Variants in ITGA2 observed in about 807,000 individuals in gnomAD.
ITGA2 encodes the protein integrin subunit alpha 2.
A neutral mutation model predicts 146.3 loss-of-function variants in ITGA2; 101 were observed. That is an observed-to-expected ratio of 0.69 (90% CI 0.59 to 0.81). ITGA2 has a LOEUF of 0.81. Ranked by LOEUF, ITGA2 falls within the 40% of genes least tolerant of loss-of-function variation. The pLI is 0.00. For synonymous variants in ITGA2, 477 were observed against 487.1 expected, an observed-to-expected ratio of 0.98 and a Z score of 0.27; for missense variants, 1,281 against 1,402.7, an observed-to-expected ratio of 0.91 and a Z score of 1.39.
rs138510004 is a variant in ITGA2 at position 53,014,404 on chromosome 5, A to T, written c.65-12344A>T. On this transcript the variant is annotated intron_variant, in intron 1 of 29. Transcript: ENST00000296585. ...TCTGTTTATGTGATGAATCACATTT[A>T]TTGATTGGCATTTGTTGCACCAACT... Among the ~76,000 whole-genome samples the T allele has an allele frequency of 3.1e-3, 472 of 152,260 alleles. 1 individual carries two copies. The highest frequency in any genetic ancestry group is 5.2e-3 in the Non-Finnish European group (356 of 68,004).
In ITGA2 at chr5:53,090,830, T is replaced by TG. The variant is rs3212647; in HGVS notation, c.*236dup. The TG allele has an allele frequency of 5.9e-5, 35 of 597,962 alleles. No individual in the cohort carries two copies. The highest frequency in any genetic ancestry group is 1.9e-4 in the African/African-American group (10 of 53,458). 37.0% of individuals were successfully genotyped at this position (597,962 alleles called of 1,614,324 possible). A position where few individuals can be genotyped will look rare whatever the true frequency, so the allele number is the denominator to read the frequency against. On this transcript the variant is annotated 3_prime_UTR_variant, in exon 30 of 30. Coordinates refer to ENST00000296585, the MANE Select transcript of ITGA2 (RefSeq NM_002203.4). Reference sequence around the variant, plus strand: ...TAGGGAAAATACCTATTTTATATGATGGGGGAAAAAAAGTAATCTTTAAAC... The same window carrying TG: ...TAGGGAAAATACCTATTTTATATGATGGGGGGAAAAAAAGTAATCTTTAAAC...
At chr5:53,029,318 T>A (rs1743111897) in intron 2 of ITGA2, among the ~76,000 whole-genome samples, 1 of 152,116 alleles carries the variant, frequency 6.6e-6, no homozygotes, top group South Asian at 2.1e-4. Flanking sequence ...TAAAATTCCT[T>A]AAAGGATGCT....
intron 1 of ITGA2, among the ~76,000 whole-genome samples, chr5:53,018,210 A>G (rs988833987): frequency 2.0e-5 from 3 of 152,186 alleles, no homozygotes; most frequent in African/African-American, 7.2e-5. Context: ...AGTCTCCTAT[A>G]GGAGCACGGC....
chr5:52,998,362 G>A (rs564477858), intron 1 of ITGA2, among the ~76,000 whole-genome samples: 1 of 152,260 alleles, frequency 6.6e-6, no homozygotes, highest in Admixed American at 6.5e-5. Flanking sequence ...GCTGAGGCAG[G>A]AGAATTGCTT....
intron 1 of ITGA2, among the ~76,000 whole-genome samples, chr5:53,016,216 G>T (rs1742393797): frequency 6.6e-6 from 1 of 152,172 alleles, no homozygotes; most frequent in Non-Finnish European, 1.5e-5. Flanking sequence ...TGTGGTAGCT[G>T]CTAACAGTCT....
chr5:53,048,975 C>A (rs577019307), intron 6 of ITGA2, among the ~76,000 whole-genome samples: 3 of 150,438 alleles, frequency 2.0e-5, no homozygotes, highest in African/African-American at 7.3e-5. Context: ...CCTTAGAGTT[C>A]TATTTCTGAC....
intron 1 of ITGA2, among the ~76,000 whole-genome samples, chr5:53,016,318 G>C (rs1183424246): frequency 6.6e-6 from 1 of 152,158 alleles, no homozygotes; most frequent in East Asian, 1.9e-4. Flanking sequence ...TATCTGAAAA[G>C]ATCTTATTTC....
chr5:53,031,256 T>G (rs1221555770), intron 2 of ITGA2, among the ~76,000 whole-genome samples: 8 of 152,250 alleles, frequency 5.3e-5, no homozygotes, highest in Admixed American at 2.6e-4. Context: ...GAATTATTCC[T>G]TTAGCAAATT....
chr5:53,069,606 G>A (rs1561141125), intron 16 of ITGA2, among the ~76,000 whole-genome samples: 1 of 151,930 alleles, frequency 6.6e-6, no homozygotes, highest in Non-Finnish European at 1.5e-5. Flanking sequence ...GACTAGCCAT[G>A]TGAACTTAGG....
intron 1 of ITGA2, among the ~76,000 whole-genome samples, chr5:53,005,425 T>C (rs1741792072): frequency 6.6e-6 from 1 of 151,832 alleles, no homozygotes; most frequent in Admixed American, 6.6e-5. Flanking sequence ...GTACTAAAAA[T>C]ACAAAAATTA....
At chr5:52,996,061 G>A (rs1335047266) in intron 1 of ITGA2, among the ~76,000 whole-genome samples, 1 of 152,176 alleles carries the variant, frequency 6.6e-6, no homozygotes, top group Non-Finnish European at 1.5e-5. Context: ...AATCAGAACA[G>A]AGCGGCCAGA....
chr5:53,062,911 C>A lies in ITGA2; in HGVS notation c.1584C>A (p.Tyr528Ter). The change falls in exon 13 of 30, where the codon TAC (tyrosine) becomes TAA (stop). Residue 528 changes from tyrosine (Y) to a stop codon, truncating the protein, a stop_gained. Coordinates refer to ENST00000296585, the MANE Select transcript of ITGA2 (RefSeq NM_002203.4). LOFTEE classifies it high-confidence loss of function. Reference protein sequence around the residue: ...SDLKKEEGRVYLFTIKEGILG... With the variant: ...SDLKKEEGRV Reference sequence around the variant, plus strand: ...TAAAGAAAGAGGAAGGAAGAGTCTACCTGTTTACTATCAAAGAGGTAAAAA... The same window carrying A: ...TAAAGAAAGAGGAAGGAAGAGTCTAACTGTTTACTATCAAAGAGGTAAAAA... 6.2e-7 allele frequency: 1 copy of A among 1,609,370 alleles called. No individual in the cohort carries two copies. Among genetic ancestry groups the A allele is most frequent in the Non-Finnish European group, 8.5e-7 (1 of 1,177,312 alleles).
chr5:53,065,076 C>T lies in ITGA2; in HGVS notation c.1767C>T (p.Tyr589=). Residue 589 remains tyrosine, a synonymous_variant, in exon 14 of 30, where the codon TAC becomes TAT. Coordinates refer to ENST00000296585, the MANE Select transcript of ITGA2 (RefSeq NM_002203.4). ...ENQNSGAVYI[Y]NGHQGTIRTK... The stretch of plus-strand genomic sequence containing the variant: ...AGAATTCTGGAGCTGTATACATTTA[C>T]AATGGTCATCAGGGCACTATCCGCA... 6.2e-7 allele frequency: 1 copy of T among 1,612,692 alleles called. No homozygotes were observed. The highest frequency in any genetic ancestry group is 8.5e-7 in the Non-Finnish European group (1 of 1,179,136).
chr5:53,042,065 A>G (rs1743826043), intron 2 of ITGA2, 47 bp from the exon 3 acceptor site: 4 of 1,105,090 alleles, frequency 3.6e-6, no homozygotes, highest in Non-Finnish European at 1.4e-6. Flanking sequence ...TATCTTTAAG[A>G]AACTATACTT....
chr5:53,053,472 G>A (rs2910968), intron 7 of ITGA2, among the ~76,000 whole-genome samples: 2 of 152,142 alleles, frequency 1.3e-5, no homozygotes, highest in South Asian at 4.1e-4. Flanking sequence ...GGCTTTCCTG[G>A]AGTTAGAAAC....
intron 2 of ITGA2, among the ~76,000 whole-genome samples, chr5:53,033,268 CAA>C (rs3836831): frequency 6.7e-6 from 1 of 149,094 alleles, no homozygotes; most frequent in East Asian, 2.0e-4. Flanking sequence ...GATTCCATCT[CAA>C]AAAAAAAACT....
Position 53,045,005 on chromosome 5 carries a change from A to C in ITGA2, c.300A>C (p.Ser100=). The C allele has an allele frequency of 6.2e-7, 1 of 1,612,478 alleles. No homozygotes were observed. The highest frequency in any genetic ancestry group is 1.1e-5 in the South Asian group (1 of 91,066). ...AAATTGTTTTCCCTTTGAAAGCTTCAACAAGCATTCCAAATGTTACTGAGA... is the reference window on the plus strand; with the variant it reads ...AAATTGTTTTCCCTTTGAAAGCTTCCACAAGCATTCCAAATGTTACTGAGA... ...ATCEKLNLQT[S]TSIPNVTEMK... Residue 100 remains serine, a synonymous_variant, in exon 4 of 30, where the codon TCA becomes TCC. Transcript: ENST00000296585.
chr5:53,028,483 T>C (rs1284459699), intron 2 of ITGA2, among the ~76,000 whole-genome samples: 1 of 152,346 alleles, frequency 6.6e-6, no homozygotes. Context: ...CTAACAATTA[T>C]CAAATGATGC....
intron 1 of ITGA2, among the ~76,000 whole-genome samples, chr5:53,014,612 T>G (rs989894671): frequency 2.6e-5 from 4 of 152,204 alleles, no homozygotes; most frequent in African/African-American, 9.6e-5. Flanking sequence ...GCTGGCTTCA[T>G]AGAATGAGTT....
Sources: gnomAD v4.1 joint callset for allele counts (sites outside exome capture counted in the v4.1 genomes callset) on GRCh38, gnomAD v4.1.1 for gene constraint, MANE v1.5 for transcripts, NCBI Gene and HGNC (gene_info 2026-07-23, HGNC 2026-07-21) for gene names.